PDZRN4: variants seen among roughly 807,000 people sequenced by gnomAD.
PDZRN4 encodes PDZ domain-containing RING finger protein 4.
In PDZRN4, 70 loss-of-function variants were observed where a neutral mutation model predicts 99.0. The observed-to-expected ratio is 0.71, with a 90% CI of 0.58 to 0.86. The LOEUF (loss-of-function observed/expected upper bound fraction) is 0.86. Among genes scored for constraint, PDZRN4 ranks in the 40% least tolerant of loss-of-function variants. The pLI, the probability that PDZRN4 is intolerant of heterozygous loss-of-function variation, is 0.00. For missense variants in PDZRN4, 1,474 were observed against 1,331.2 expected (o/e 1.11, Z -1.67); for synonymous variants, 551 against 501.6 (o/e 1.10, Z -1.32).
At chr12:41,301,286 G>T (rs1198809027) in intron 3 of PDZRN4, among the ~76,000 whole-genome samples, 1 of 151,946 alleles carries the variant, frequency 6.6e-6, no homozygotes, top group African/African-American at 2.4e-5. Context: ...AGGATTTCTA[G>T]TGTTTTACAT....
At chr12:41,212,413 C>A (rs1265566502) in intron 3 of PDZRN4, among the ~76,000 whole-genome samples, 3 of 151,896 alleles carry the variant, frequency 2.0e-5, no homozygotes, top group Non-Finnish European at 4.4e-5. Flanking sequence ...AAGTGGAATA[C>A]CCATGTCCTC....
chr12:41,482,407 C>T (rs1198710819), intron 3 of PDZRN4, among the ~76,000 whole-genome samples: 1 of 151,606 alleles, frequency 6.6e-6, no homozygotes, highest in Admixed American at 6.6e-5. Context: ...GATTCTACAA[C>T]AAGGAAAAAA....
chr12:41,476,621 C>T lies in PDZRN4; in HGVS notation c.844-29835C>T, dbSNP rs560756430. 3.9e-5 allele frequency among the ~76,000 whole-genome samples: 6 copies of T among 152,276 alleles called. No individual in the cohort carries two copies. In the South Asian group the frequency reaches 6.2e-4, roughly 16 times the overall value. On this transcript the variant is annotated intron_variant, in intron 3 of 9. Coordinates refer to ENST00000402685, the MANE Select transcript of PDZRN4 (RefSeq NM_001164595.2). ...TGAAACCTTTGGTCTACTCTAAGAG[C>T]TTTGTTTGTTGTATTTATGAAAAGC...
At chr12:41,380,418 C>G (rs1008126078) in intron 3 of PDZRN4, among the ~76,000 whole-genome samples, 4 of 151,920 alleles carry the variant, frequency 2.6e-5, no homozygotes, top group African/African-American at 9.7e-5. Context: ...TTCCTTTCTT[C>G]TTCTTTTTTT....
At chr12:41,312,485 C>A (rs889898112) in intron 3 of PDZRN4, among the ~76,000 whole-genome samples, 1 of 152,080 alleles carries the variant, frequency 6.6e-6, no homozygotes, top group African/African-American at 2.4e-5. Flanking sequence ...TGTTCTCATG[C>A]CGCTAATAAA....
chr12:41,214,614 A>C (rs1486102031), intron 3 of PDZRN4, among the ~76,000 whole-genome samples: 1 of 151,868 alleles, frequency 6.6e-6, no homozygotes, highest in Admixed American at 6.6e-5. Context: ...TCTTCAGCCT[A>C]TTTAGCATAT....
At chr12:41,572,234 C>A in intron 9 of PDZRN4, 130 bp from the exon 10 acceptor site, 1 of 692,134 alleles carries the variant, frequency 1.4e-6, no homozygotes, top group Non-Finnish European at 2.4e-6. Context: ...TTGTGATGGA[C>A]CCTAAATTAG....
chr12:41,385,150 G>T (rs1341816233), intron 3 of PDZRN4, among the ~76,000 whole-genome samples: 1 of 152,170 alleles, frequency 6.6e-6, no homozygotes, highest in Non-Finnish European at 1.5e-5. Context: ...AAATAATACT[G>T]TATAGTAGAA....
chr12:41,428,850 T>C (rs1024494708), intron 3 of PDZRN4, among the ~76,000 whole-genome samples: 3 of 151,944 alleles, frequency 2.0e-5, no homozygotes, highest in African/African-American at 7.3e-5. Context: ...GAAAGTGGCA[T>C]AGGAGAGGAT....
intron 3 of PDZRN4, among the ~76,000 whole-genome samples, chr12:41,356,490 T>C (rs1459282741): frequency 6.6e-6 from 1 of 151,986 alleles, no homozygotes; most frequent in African/African-American, 2.4e-5. Flanking sequence ...TAGTCTACAT[T>C]GACAAGAAGA....
intron 3 of PDZRN4, among the ~76,000 whole-genome samples, chr12:41,410,682 C>G (rs1459435691): frequency 6.6e-6 from 1 of 152,160 alleles, no homozygotes; most frequent in Non-Finnish European, 1.5e-5. Flanking sequence ...GAATCCCACT[C>G]TGGCTTAATG....
At chr12:41,551,382 A>C (rs748531227) in intron 5 of PDZRN4, among the ~76,000 whole-genome samples, 2 of 152,072 alleles carry the variant, frequency 1.3e-5, no homozygotes, top group African/African-American at 2.4e-5. Flanking sequence ...CCTAATACAA[A>C]TTGTAGGGAA....
chr12:41,291,343 G>A (rs1951455622), intron 3 of PDZRN4, among the ~76,000 whole-genome samples: 1 of 152,122 alleles, frequency 6.6e-6, no homozygotes, highest in African/African-American at 2.4e-5. Context: ...TTGCTTAGGT[G>A]AAGGCCTTCG....
chr12:41,454,328 A>G (rs1442033114), intron 3 of PDZRN4, among the ~76,000 whole-genome samples: 1 of 152,202 alleles, frequency 6.6e-6, no homozygotes, highest in African/African-American at 2.4e-5. Flanking sequence ...TTCGGTCTCA[A>G]CACCTCTTTC....
intron 6 of PDZRN4, among the ~76,000 whole-genome samples, chr12:41,554,739 A>T (rs1939115106): frequency 6.6e-6 from 1 of 152,116 alleles, no homozygotes; most frequent in African/African-American, 2.4e-5. Flanking sequence ...ATTCTAAAAT[A>T]GTTTATAGTT....
chr12:41,532,298 T>A (rs1483648412), intron 5 of PDZRN4, among the ~76,000 whole-genome samples: 1 of 152,214 alleles, frequency 6.6e-6, no homozygotes, highest in Non-Finnish European at 1.5e-5. Context: ...CTCTGTGTCA[T>A]ACTACACTGT....
At chr12:41,460,070 G>C (rs1255907538) in intron 3 of PDZRN4, 4 of 1,282,722 alleles carry the variant, frequency 3.1e-6, no homozygotes. Flanking sequence ...GTGAATGAGT[G>C]GTAAATTTTC....
intron 3 of PDZRN4, among the ~76,000 whole-genome samples, chr12:41,397,097 A>G (rs1178951869): frequency 6.6e-6 from 1 of 152,162 alleles, no homozygotes; most frequent in African/African-American, 2.4e-5. Flanking sequence ...AGTTTGGTGG[A>G]TATATTCTAC....
chr12:41,520,224 G>T (rs1001122094), intron 5 of PDZRN4, among the ~76,000 whole-genome samples: 1 of 152,084 alleles, frequency 6.6e-6, no homozygotes, highest in Non-Finnish European at 1.5e-5. Context: ...AAGAAGTACT[G>T]AATTCTTCTT....
Sources: allele counts gnomAD v4.1 joint callset (sites outside exome capture counted in the v4.1 genomes callset), GRCh38; gene constraint gnomAD v4.1.1; transcripts MANE v1.5; gene names NCBI Gene and HGNC (gene_info 2026-07-23, HGNC 2026-07-21).